CREM: variants seen among roughly 807,000 people sequenced by gnomAD.
CREM encodes the protein cAMP-responsive element modulator.
In CREM, 13 loss-of-function variants were observed where a neutral mutation model predicts 37.3. The observed-to-expected ratio is 0.35, with a 90% CI of 0.23 to 0.55. CREM has a LOEUF of 0.55. Ranked by LOEUF, CREM falls within the 20% of genes least tolerant of loss-of-function variation. The probability of loss-of-function intolerance (pLI) is 0.88; values close to 1 mark genes in which losing one functional copy is unlikely to be tolerated. For synonymous variants in CREM, 124 were observed against 120.2 expected (o/e 1.03, Z -0.21); for missense variants, 296 against 362.3 (o/e 0.82, Z 1.49).
intron 3 of CREM, among the ~76,000 whole-genome samples, chr10:35,151,890 G>T (rs2092623037): frequency 6.6e-6 from 1 of 152,156 alleles, no homozygotes; most frequent in Non-Finnish European, 1.5e-5. Flanking sequence ...TAAAGTTCTT[G>T]TGACACCAGC....
intron 3 of CREM, among the ~76,000 whole-genome samples, chr10:35,151,766 T>C (rs556654857): frequency 2.0e-5 from 3 of 152,358 alleles, no homozygotes; most frequent in South Asian, 2.1e-4. Flanking sequence ...TGCCGACTTA[T>C]GGATTATTTT....
chr10:35,201,005 T>C (rs1222101532), intron 6 of CREM, among the ~76,000 whole-genome samples: 4 of 152,100 alleles, frequency 2.6e-5, no homozygotes, highest in Non-Finnish European at 5.9e-5. Flanking sequence ...GGTTTTTTTT[T>C]CAGTTTTCTT....
At chr10:35,203,051 T>C (rs2095423255) in intron 6 of CREM, among the ~76,000 whole-genome samples, 1 of 151,940 alleles carries the variant, frequency 6.6e-6, no homozygotes, top group South Asian at 2.1e-4. Flanking sequence ...CTTTTTTTGC[T>C]TTTTTCCTTT....
chr10:35,191,589 A>T (rs1033410909), intron 6 of CREM, among the ~76,000 whole-genome samples: 2 of 151,954 alleles, frequency 1.3e-5, no homozygotes, highest in Non-Finnish European at 2.9e-5. Context: ...TTCTTTGTGG[A>T]TTCTCAGTGC....
intron 3 of CREM, among the ~76,000 whole-genome samples, chr10:35,157,287 A>G (rs2092973749): frequency 6.8e-6 from 1 of 147,294 alleles, no homozygotes; most frequent in Non-Finnish European, 1.5e-5. Flanking sequence ...AACTAACATC[A>G]TGCTGAATGG....
chr10:35,136,099 T>TA (rs1301454308), intron 1 of CREM, among the ~76,000 whole-genome samples: 1 of 152,206 alleles, frequency 6.6e-6, no homozygotes, highest in African/African-American at 2.4e-5. Context: ...CAGTGCTAGT[T>TA]ACCTCTAGGA....
At chr10:35,136,157 A>G (rs930727603) in intron 1 of CREM, among the ~76,000 whole-genome samples, 2 of 152,222 alleles carry the variant, frequency 1.3e-5, no homozygotes, top group Non-Finnish European at 2.9e-5. Flanking sequence ...ACCTTTTTCT[A>G]GTTTTAAAGT....
At chr10:35,189,392 C>T (rs1213644964) in intron 6 of CREM, among the ~76,000 whole-genome samples, 1 of 152,154 alleles carries the variant, frequency 6.6e-6, no homozygotes, top group Non-Finnish European at 1.5e-5. Flanking sequence ...GTATTTAATA[C>T]AGCTTTCAAA....
chr10:35,149,940 C>CACACACACACACACACACACA, intron 3 of CREM, among the ~76,000 whole-genome samples: 1 of 38,026 alleles, frequency 2.6e-5, no homozygotes, highest in African/African-American at 7.9e-5. Flanking sequence ...ACACACACAC[C>CACACACACACACACACACACA]CTTGTTAAAA....
chr10:35,185,875 A>G (rs2094536387), intron 5 of CREM, among the ~76,000 whole-genome samples: 2 of 152,212 alleles, frequency 1.3e-5, no homozygotes, highest in Admixed American at 1.3e-4. Context: ...TAAAAATGTT[A>G]ATCTATCTTC....
chr10:35,153,965 A>G (rs1408318566), intron 3 of CREM: 6 of 395,918 alleles, frequency 1.5e-5, no homozygotes, highest in African/African-American at 1.2e-4. Flanking sequence ...ATCAAGCTGA[A>G]CTCTGTTAAC....
chr10:35,194,756 A>T (rs1423181945), intron 6 of CREM, among the ~76,000 whole-genome samples: 5 of 149,198 alleles, frequency 3.4e-5, no homozygotes, highest in Middle Eastern at 6.4e-3. Context: ...TTTTTTTTTT[A>T]AATCTCCAAG....
rs117420088 is a variant in CREM, at chr10:35,208,606, G to A, written c.755+1555G>A. Among the ~76,000 whole-genome samples, 1,241 of 152,128 alleles carry A rather than the reference G, an allele frequency of 8.2e-3. 7 individuals carry two copies. The highest frequency in any genetic ancestry group is 0.037 in the South Asian group (180 of 4,814). ...ATCAAGGGCCCAGACTCCCGCTCCC[G>A]GCTGTGTCATCTTCAGCATGTATCA... is the stretch of plus-strand genomic sequence containing the variant. On this transcript the variant is annotated intron_variant, in intron 7 of 7. Coordinates refer to ENST00000685392, the MANE Select transcript of CREM (RefSeq NM_183011.2).
At chr10:35,152,670 C>T (rs187895889) in intron 3 of CREM, among the ~76,000 whole-genome samples, 78 of 152,268 alleles carry the variant, frequency 5.1e-4, no homozygotes, top group African/African-American at 1.8e-3. Flanking sequence ...GGACTAGACT[C>T]GCTGGATTCT....
Position 35,178,920 on chromosome 10 carries a change from C to G in CREM, c.200C>G (p.Ala67Gly). Residue 67 changes from alanine to glycine, a missense_variant, in exon 4 of 8, where the codon GCA becomes GGA. By Grantham distance (60) the Ala-to-Gly change is moderately conservative. This residue lies in a region of CREM where 257 missense variants were observed against 280.2 expected (regional missense o/e 0.92). Coordinates refer to ENST00000685392, the MANE Select transcript of CREM (RefSeq NM_183011.2). Reference protein sequence around the residue: ...VAAIAETDESAESEGVIDSHK... With the variant: ...VAAIAETDESGESEGVIDSHK... ...GCAATTGCAGAGACAGATGAATCTG[C>G]AGAATCAGAAGGTGTAATTGATTCT... is the stretch of plus-strand genomic sequence containing the variant. 1 of 1,613,300 alleles carries G rather than the reference C, an allele frequency of 6.2e-7. No homozygotes were observed. The highest frequency in any genetic ancestry group is 1.1e-5 in the South Asian group (1 of 90,844).
chr10:35,175,796 C>T (rs1361391045), intron 3 of CREM: 1 of 1,612,720 alleles, frequency 6.2e-7, no homozygotes, highest in Non-Finnish European at 8.5e-7. Context: ...TTAAAAATAG[C>T]AAAAACAATA....
Position 35,187,049 on chromosome 10 carries a change from T to A in CREM, c.410-1151T>A, listed in dbSNP as rs2094611602. ...TATCACATATAATATATATTATATA[T>A]AATTAATATATATAATTAATATAAT... is the stretch of plus-strand genomic sequence containing the variant. On this transcript the variant is annotated intron_variant, in intron 5 of 7. Transcript: ENST00000685392. Among the ~76,000 whole-genome samples, 3 of 68,974 alleles carry A rather than the reference T, an allele frequency of 4.3e-5. No homozygotes were observed. In the South Asian group the frequency reaches 1.2e-3, roughly 27 times the overall value. 45.2% of individuals were successfully genotyped at this position (68,974 alleles called of 152,430 possible).
chr10:35,151,360 G>GT, intron 3 of CREM, among the ~76,000 whole-genome samples: 1 of 152,024 alleles, frequency 6.6e-6, no homozygotes, highest in African/African-American at 2.4e-5. Flanking sequence ...TTTTTGTTTT[G>GT]TTTCGTTTTG....
At chr10:35,172,113 T>C (rs1293685190) in intron 3 of CREM, among the ~76,000 whole-genome samples, 1 of 149,992 alleles carries the variant, frequency 6.7e-6, no homozygotes, top group Non-Finnish European at 1.5e-5. Context: ...GTCTTCTTTT[T>C]GTGTTAATTT....
Sources: allele counts gnomAD v4.1 joint callset (sites outside exome capture counted in the v4.1 genomes callset), GRCh38; gene constraint gnomAD v4.1.1; regional missense constraint gnomAD v4.1.1; transcripts MANE v1.5; gene names NCBI Gene and HGNC (gene_info 2026-07-23, HGNC 2026-07-21).